The following LARP1B variants were observed in gnomAD, a reference collection of about 807,000 sequenced individuals.
LARP1B encodes the protein la-related protein 1B.
A neutral mutation model predicts 114.2 loss-of-function variants in LARP1B; 76 were observed. That is an observed-to-expected ratio of 0.67 (90% confidence interval 0.55 to 0.81). LARP1B has a LOEUF of 0.81. LARP1B is among the 30% of genes least tolerant of loss of function. The pLI is 0.00. For missense variants in LARP1B, 1,014 were observed against 1,075.8 expected (o/e 0.94, Z 0.80); for synonymous variants, 345 against 348.0 (o/e 0.99, Z 0.10).
At chr4:128,115,527 C>T (rs1042252651) in intron 10 of LARP1B, among the ~76,000 whole-genome samples, 1 of 152,188 alleles carries the variant, frequency 6.6e-6, no homozygotes, top group Non-Finnish European at 1.5e-5. Flanking sequence ...GCCATGATCA[C>T]ACCACTGCAC....
At chr4:128,083,712 C>A (rs1379738252) in intron 5 of LARP1B, among the ~76,000 whole-genome samples, 8 of 137,450 alleles carry the variant, frequency 5.8e-5, no homozygotes, top group Non-Finnish European at 1.1e-4. Flanking sequence ...GTGGCTGGCC[C>A]GGCAGAGGGG....
At chr4:128,191,552 TGGC>T (rs1398074958) in intron 15 of LARP1B, among the ~76,000 whole-genome samples, 1 of 151,880 alleles carries the variant, frequency 6.6e-6, no homozygotes, top group African/African-American at 2.4e-5. Context: ...ATGGTGGGGG[TGGC>T]AAAGGGGATT....
intron 11 of LARP1B, among the ~76,000 whole-genome samples, chr4:128,131,385 T>G (rs1434903274): frequency 1.3e-5 from 2 of 152,214 alleles, no homozygotes; most frequent in East Asian, 3.8e-4. Flanking sequence ...TATTTTCTTC[T>G]AAAAATTTTT....
chr4:128,184,656 C>G (rs757550070), intron 15 of LARP1B, among the ~76,000 whole-genome samples: 2 of 152,034 alleles, frequency 1.3e-5, no homozygotes, highest in African/African-American at 2.4e-5. Context: ...TATGGTTATT[C>G]TACTGTACTA....
At chr4:128,206,871 T>C in intron 18 of LARP1B, 1 of 977,106 alleles carries the variant, frequency 1.0e-6, no homozygotes, top group South Asian at 4.7e-5. Context: ...AATAGCACAG[T>C]GGTTAAGAGT....
In LARP1B at chr4:128,122,217, C is replaced by T. The variant is rs765585572; in HGVS notation, c.1524+29C>T. Reference sequence around the variant, plus strand: ...ATTGTTTCTGGCCAACATCTTTCTACTGATGCTTTGTTTTGATTGTATGTT... The same window carrying T: ...ATTGTTTCTGGCCAACATCTTTCTATTGATGCTTTGTTTTGATTGTATGTT... On this transcript the variant is annotated intron_variant, in intron 11 of 19. Coordinates refer to ENST00000326639, the MANE Select transcript of LARP1B (RefSeq NM_018078.4). 7 of 1,605,994 alleles carry T rather than the reference C, an allele frequency of 4.4e-6. No individual in the cohort carries two copies. The Admixed American group carries it at 1.0e-4, about 23-fold the overall frequency.
At chr4:128,139,601 A>T (rs1464382529) in intron 11 of LARP1B, among the ~76,000 whole-genome samples, 2 of 151,962 alleles carry the variant, frequency 1.3e-5, no homozygotes, top group African/African-American at 2.4e-5. Context: ...AAAACAAAAA[A>T]ACAGTATAAG....
At chr4:128,109,559 A>C (rs1183476243) in intron 9 of LARP1B, among the ~76,000 whole-genome samples, 1 of 152,058 alleles carries the variant, frequency 6.6e-6, no homozygotes, top group Non-Finnish European at 1.5e-5. Context: ...AGTTTTATGG[A>C]TATTGTTAGT....
intron 15 of LARP1B, among the ~76,000 whole-genome samples, chr4:128,182,625 A>C (rs776204606): frequency 3.8e-4 from 58 of 152,164 alleles, no homozygotes; most frequent in Non-Finnish European, 3.5e-4. Context: ...AAATTAGACC[A>C]ACTAATAACC....
In LARP1B at chr4:128,067,209, C is replaced by G. The variant is rs80178551; in HGVS notation, c.-78+5808C>G. 7.6e-4 allele frequency among the ~76,000 whole-genome samples: 115 copies of G among 152,184 alleles called. 3 individuals carry two copies. In the East Asian group the frequency reaches 0.019, roughly 25 times the overall value. ...GGGTACCTCTAAATCTATTAGTTAT[C>G]TATTAGTGATTGTATAATTTATACT... On this transcript the variant is annotated intron_variant, in intron 1 of 19. Coordinates refer to ENST00000326639, the MANE Select transcript of LARP1B (RefSeq NM_018078.4).
intron 6 of LARP1B, among the ~76,000 whole-genome samples, chr4:128,219,794 A>AT (rs1759849672): frequency 6.9e-6 from 1 of 145,032 alleles, no homozygotes; most frequent in Non-Finnish European, 1.5e-5. Context: ...TTAAAGTATA[A>AT]TAAAATAAAT....
intron 15 of LARP1B, among the ~76,000 whole-genome samples, chr4:128,191,802 CA>C (rs1417204567): frequency 6.6e-6 from 1 of 152,000 alleles, no homozygotes; most frequent in Non-Finnish European, 1.5e-5. Context: ...TGGGTTGAGG[CA>C]GGAACAGTTT....
In LARP1B at chr4:128,077,931, T is replaced by C; in HGVS notation, c.186T>C (p.Asp62=). 1 of 1,609,622 alleles carries C rather than the reference T, an allele frequency of 6.2e-7. No individual in the cohort carries two copies. The highest frequency in any genetic ancestry group is 8.5e-7 in the Non-Finnish European group (1 of 1,178,922). Reference sequence around the variant, plus strand: ...GTCCTGGTGAAAACGTCAGTGAGGATGAGGCTCAGTCAAGTAATCAACGTA... The same window carrying C: ...GTCCTGGTGAAAACGTCAGTGAGGACGAGGCTCAGTCAAGTAATCAACGTA... ...LNGPGENVSE[D]EAQSSNQRKR... The change falls in exon 4 of 20, where the codon GAT becomes GAC. Residue 62 remains aspartate (D), a synonymous_variant. Transcript: ENST00000326639.
At chr4:128,135,024 C>T (rs1027234363) in intron 11 of LARP1B, among the ~76,000 whole-genome samples, 1 of 151,960 alleles carries the variant, frequency 6.6e-6, no homozygotes, top group African/African-American at 2.4e-5. Context: ...ATCGCTTGAA[C>T]CCCGGAGGTG....
chr4:128,221,275 T>A (rs1274243682), intron 7 of LARP1B, among the ~76,000 whole-genome samples: 1 of 152,220 alleles, frequency 6.6e-6, no homozygotes, highest in African/African-American at 2.4e-5. Flanking sequence ...AACTGAGCAT[T>A]TTATTTAGAA....
Position 128,082,300 on chromosome 4 carries a change from C to T in LARP1B, c.353C>T (p.Thr118Ile), listed in dbSNP as rs1561104501. Residue 118 changes from threonine to isoleucine, a missense_variant, in exon 5 of 20, where the codon ACA becomes ATA. Coordinates refer to ENST00000326639, the MANE Select transcript of LARP1B (RefSeq NM_018078.4). Reference protein sequence around the residue: ...KPTHNNRRNDTRSWKRDREKR... With the variant: ...KPTHNNRRNDIRSWKRDREKR... ...ACACATAACAATAGGAGAAATGATA[C>T]ACGAAGTAAGTTACCATTCTAAGAC... 6.2e-7 allele frequency: 1 copy of T among 1,613,466 alleles called. No homozygotes were observed. Among genetic ancestry groups the T allele is most frequent in the Non-Finnish European group, 8.5e-7 (1 of 1,179,624 alleles).
At chr4:128,108,789 A>G (rs1782954927) in intron 9 of LARP1B, 3 of 984,986 alleles carry the variant, frequency 3.0e-6, no homozygotes, top group Non-Finnish European at 3.6e-6. Flanking sequence ...TGGGTAAGTT[A>G]GATAAAATAG....
chr4:128,133,998 A>ATT (rs1466080091), intron 11 of LARP1B, among the ~76,000 whole-genome samples: 2 of 88,664 alleles, frequency 2.3e-5, no homozygotes, highest in Admixed American at 1.4e-4. Flanking sequence ...TGCCCAGCCC[A>ATT]ATTTTTTTTT....
Position 128,074,368 on chromosome 4 carries a change from T to C in LARP1B, c.-77-92T>C, listed in dbSNP as rs191254438. ...CTTGGATTTTGGTTGGAAATGATGA[T>C]TATACTGATTTACTGAAATTGACAT... On this transcript the variant is annotated intron_variant, in intron 1 of 19. Transcript: ENST00000326639. The C allele has an allele frequency of 2.5e-5, 5 of 200,702 alleles. No homozygotes were observed. The East Asian group carries it at 9.2e-4, about 37-fold the overall frequency. 12.4% of individuals were successfully genotyped at this position (200,702 alleles called of 1,614,324 possible).
Sources: allele counts gnomAD v4.1 joint callset (sites outside exome capture counted in the v4.1 genomes callset), GRCh38; gene constraint gnomAD v4.1.1; transcripts MANE v1.5; gene names NCBI Gene and HGNC (gene_info 2026-07-23, HGNC 2026-07-21).